The following MARF1 variants were observed in gnomAD, a reference collection of about 807,000 sequenced individuals.
The protein encoded by MARF1 is limkain-b1.
A neutral mutation model predicts 168.2 loss-of-function variants in MARF1; 24 were observed. The ratio of observed to expected loss-of-function variants is 0.14; its 90% CI spans 0.10 to 0.20. MARF1 has a LOEUF of 0.20. MARF1 is among the 10% of genes least tolerant of loss of function. MARF1 has a pLI of 1.00. For synonymous variants in MARF1, 868 were observed against 822.4 expected (o/e 1.06, Z -0.95); for missense variants, 1,744 against 2,143.6 (o/e 0.81, Z 3.68).
At chr16:15,606,380 T>C (rs995154922) in intron 21 of MARF1, among the ~76,000 whole-genome samples, 6 of 152,118 alleles carry the variant, frequency 3.9e-5, no homozygotes, top group Non-Finnish European at 5.9e-5. Context: ...GACACCTGCA[T>C]AGCCACACCC....
chr16:15,611,758 T>TACAC, intron 17 of MARF1, 24 bp from the exon 18 acceptor site: 4 of 1,612,102 alleles, frequency 2.5e-6, no homozygotes, highest in Non-Finnish European at 3.4e-6. Context: ...AGTTTATTTA[T>TACAC]ACACATAAGA....
At chr16:15,622,151 G>C (rs1424439773) in intron 11 of MARF1, among the ~76,000 whole-genome samples, 4 of 152,144 alleles carry the variant, frequency 2.6e-5, no homozygotes, top group Admixed American at 2.6e-4. Flanking sequence ...TCCAAGGCAG[G>C]CTCAGAGGCC....
chr16:15,639,326 C>T, intron 1 of MARF1, 35 bp from the exon 2 acceptor site: 2 of 1,399,240 alleles, frequency 1.4e-6, no homozygotes, highest in Non-Finnish European at 2.0e-6. Flanking sequence ...GTGTTATTTC[C>T]TTGCATAAGT....
Position 15,634,820 on chromosome 16 carries a change from C to T in MARF1, c.943G>A (p.Gly315Arg), listed in dbSNP as rs901160503. The T allele has an allele frequency of 1.2e-6, 2 of 1,613,990 alleles. No homozygotes were observed. The highest frequency in any genetic ancestry group is 1.7e-6 in the Non-Finnish European group (2 of 1,179,998). The stretch of plus-strand genomic sequence containing the variant: ...AACAACGTGGTCTCCTTCCCTGTTC[C>T]TTTGGTTCCACAGCCATTACACAGA... ...VPLCNGCGTK[G>R]TGKETTLLLA... The change falls in exon 4 of 27, where the codon GGA (glycine) becomes AGA (arginine). Residue 315 changes from glycine (G) to arginine (R), a missense_variant. Coordinates refer to ENST00000396368, the MANE Select transcript of MARF1 (RefSeq NM_014647.4).
chr16:15,632,904 G>A (rs2035341658), intron 5 of MARF1, among the ~76,000 whole-genome samples: 1 of 151,978 alleles, frequency 6.6e-6, no homozygotes, highest in South Asian at 2.1e-4. Flanking sequence ...TCACCTCTCA[G>A]GGCCTTAGTT....
chr16:15,611,826 G>A (rs1433389394), intron 17 of MARF1, 92 bp from the exon 18 acceptor site: 8 of 1,025,154 alleles, frequency 7.8e-6, no homozygotes, highest in Non-Finnish European at 1.2e-5. Flanking sequence ...TAGCCTCAGA[G>A]CATGACTCCC....
rs1402145430 is a variant in MARF1, at chr16:15,600,521, T to A, written c.4720A>T (p.Asn1574Tyr). Residue 1574 changes from asparagine (N) to tyrosine (Y), a missense_variant, in exon 25 of 27, where the codon AAT becomes TAT. By Grantham distance (143) the Asn-to-Tyr change is moderately radical (BLOSUM62 -2). Around this residue, in one of 7 missense-constraint regions of MARF1, gnomAD observed 313 missense variants for 337.4 expected, o/e 0.93. Transcript: ENST00000396368. ...CCCTCCGAGGGCTGGTTTTCATGAT[T>A]GGCAGGGGAGAGACTGAGTGAACTC... ...RLSSLSLSPA[N>Y]HENQPSEGER... 6.2e-7 allele frequency: 1 copy of A among 1,614,182 alleles called. No individual in the cohort carries two copies. Among genetic ancestry groups the A allele is most frequent in the African/African-American group, 1.3e-5 (1 of 75,026 alleles).
intron 18 of MARF1, 116 bp downstream of exon 18, chr16:15,611,476 C>T (rs1444949566): frequency 3.2e-6 from 2 of 617,270 alleles, no homozygotes; most frequent in East Asian, 7.3e-5. Context: ...CAAAAAACTA[C>T]TACAAGTTTT....
intron 21 of MARF1, among the ~76,000 whole-genome samples, chr16:15,606,925 A>G (rs1480087442): frequency 6.6e-6 from 1 of 152,114 alleles, no homozygotes; most frequent in Non-Finnish European, 1.5e-5. Context: ...TGCTGTCCAG[A>G]TGACCTGGGC....
At chr16:15,625,879 C>G in intron 7 of MARF1, 79 bp from the exon 8 acceptor site, 1 of 1,142,578 alleles carries the variant, frequency 8.8e-7, no homozygotes. Context: ...CAATGGGTGA[C>G]CTCCAAACTT....
intron 22 of MARF1, 82 bp downstream of exon 22, chr16:15,604,086 C>G (rs2032784001): frequency 1.2e-5 from 13 of 1,101,826 alleles, no homozygotes; most frequent in Non-Finnish European, 1.8e-5. Context: ...TCTACACACT[C>G]TAATCTAGAC....
At chr16:15,613,581 G>A (rs1272577240) in intron 16 of MARF1, among the ~76,000 whole-genome samples, 1 of 151,856 alleles carries the variant, frequency 6.6e-6, no homozygotes, top group Non-Finnish European at 1.5e-5. Context: ...AGAATGGCAT[G>A]AACCCAGGAG....
intron 16 of MARF1, among the ~76,000 whole-genome samples, chr16:15,613,684 T>TAAATAAATAAATAAATAAATAAATAAATA (rs1555524005): frequency 9.6e-5 from 14 of 146,298 alleles, no homozygotes; most frequent in South Asian, 4.3e-4. Context: ...AATAAATAAA[T>TAAATAAATAAATAAATAAATAAATAAATA]AAATAAAATA....
At position 15,636,185 on chromosome 16, in the gene MARF1, C is replaced by T. The variant is rs1423836922; in HGVS notation, c.302G>A (p.Cys101Tyr). ...IQLSSVPKVS[C>Y]CAHCPNEPST... Reference sequence around the variant, plus strand: ...GGGTTCATTAGGGCAATGAGCACAGCAGCTTACTTTGGGGACAGAAGAAAG... The same window carrying T: ...GGGTTCATTAGGGCAATGAGCACAGTAGCTTACTTTGGGGACAGAAGAAAG... Residue 101 changes from cysteine (C) to tyrosine (Y), a missense_variant, in exon 3 of 27, where the codon TGC (cysteine) becomes TAC (tyrosine). This residue lies in a region of MARF1 where 318 missense variants were observed against 336.6 expected (regional missense o/e 0.94). Coordinates refer to ENST00000396368, the MANE Select transcript of MARF1 (RefSeq NM_014647.4). 2 of 1,614,098 alleles carry T rather than the reference C, an allele frequency of 1.2e-6. No individual in the cohort carries two copies. The highest frequency in any genetic ancestry group is 2.2e-5 in the East Asian group (1 of 44,888).
intron 7 of MARF1, among the ~76,000 whole-genome samples, chr16:15,626,347 C>T (rs542936648): frequency 6.6e-6 from 1 of 152,132 alleles, no homozygotes; most frequent in Admixed American, 6.5e-5. Context: ...TTATTGTACA[C>T]TTAAAAGAGC....
At chr16:15,600,730 C>T (rs1340784241) in intron 23 of MARF1, 29 bp from the exon 24 acceptor site, 1 of 1,612,150 alleles carries the variant, frequency 6.2e-7, no homozygotes, top group Non-Finnish European at 8.5e-7. Context: ...ACTGGTTAAG[C>T]AGCGGAAAAG....
Position 15,639,305 on chromosome 16 carries a change from G to C in MARF1, c.-58-14C>G, listed in dbSNP as rs952026999. 1.3e-6 allele frequency: 2 copies of C among 1,493,508 alleles called. No homozygotes were observed. Among genetic ancestry groups the C allele is most frequent in the Non-Finnish European group, 1.8e-6 (2 of 1,102,776 alleles). 92.5% of individuals were successfully genotyped at this position (1,493,508 alleles called of 1,614,324 possible). On this transcript the variant is annotated splice_polypyrimidine_tract_variant and intron_variant, in intron 1 of 26. Transcript: ENST00000396368. Reference sequence around the variant, plus strand: ...CATTCTTCCACCCTGTTAAGAATGAGTAAGATTTCAGTGTTATTTCCTTGC... The same window carrying C: ...CATTCTTCCACCCTGTTAAGAATGACTAAGATTTCAGTGTTATTTCCTTGC...
At chr16:15,613,953 T>C (rs1249796983) in intron 16 of MARF1, among the ~76,000 whole-genome samples, 1 of 152,064 alleles carries the variant, frequency 6.6e-6, no homozygotes, top group African/African-American at 2.4e-5. Flanking sequence ...AGTATGTGTG[T>C]ATACACAGGA....
chr16:15,602,707 CTT>C (rs1567531769), intron 22 of MARF1: 1 of 447,680 alleles, frequency 2.2e-6, no homozygotes, highest in Non-Finnish European at 4.5e-6. Flanking sequence ...CTCCAGCAAA[CTT>C]CAGTTCTATT....
Sources: gnomAD v4.1 joint callset for allele counts (sites outside exome capture counted in the v4.1 genomes callset) on GRCh38, gnomAD v4.1.1 for gene constraint, gnomAD v4.1.1 regional missense constraint, MANE v1.5 for transcripts, NCBI Gene and HGNC (gene_info 2026-07-23, HGNC 2026-07-21) for gene names.